The following DLGAP2 variants were observed in gnomAD, a reference collection of about 807,000 sequenced individuals.
DLGAP2 encodes the protein DLG associated protein 2.
DLGAP2 carries 26 observed loss-of-function variants against 100.3 expected under a neutral mutation model. The ratio of observed to expected loss-of-function variants is 0.26; its 90% confidence interval spans 0.19 to 0.36. DLGAP2 has a LOEUF of 0.36. Ranked by LOEUF, DLGAP2 falls within the 10% of genes least tolerant of loss-of-function variation. The pLI, the probability that DLGAP2 is intolerant of heterozygous loss-of-function variation, is 1.00. For synonymous variants in DLGAP2, 886 were observed against 630.1 expected (o/e 1.41, Z -6.08); for missense variants, 1,858 against 1,453.2 (o/e 1.28, Z -4.53).
At chr8:1,100,482 G>A (rs1804542083) in intron 2 of DLGAP2, among the ~76,000 whole-genome samples, 1 of 152,056 alleles carries the variant, frequency 6.6e-6, no homozygotes, top group Non-Finnish European at 1.5e-5. Context: ...AATGTGTGTA[G>A]GGAAAAACAT....
rs539714210 is a variant in DLGAP2, at chr8:1,268,881, C to T, written c.106+9998C>T. On this transcript the variant is annotated intron_variant, in intron 3 of 14. Transcript: ENST00000637795. ...CAAAGAAGCTTTTATTTGACTTAGA[C>T]CTTCAGGCTAAGTCGGCTTTGTGGC... Among the ~76,000 whole-genome samples the T allele has an allele frequency of 8.5e-5, 13 of 152,316 alleles. No individual in the cohort carries two copies. In the South Asian group the frequency reaches 2.3e-3, roughly 27 times the overall value.
In DLGAP2 at chr8:1,112,592, G is replaced by A. The variant is rs1404849454; in HGVS notation, c.74-146259G>A. Among the ~76,000 whole-genome samples the A allele has an allele frequency of 2.0e-5, 3 of 152,160 alleles. No individual in the cohort carries two copies. The East Asian group carries it at 5.8e-4, about 29-fold the overall frequency. On this transcript the variant is annotated intron_variant, in intron 2 of 14. Coordinates refer to ENST00000637795, the MANE Select transcript of DLGAP2 (RefSeq NM_001346810.2). The stretch of plus-strand genomic sequence containing the variant: ...GTTTTTCTCTTGTAAATTTGTTTAA[G>A]TTCCTTATAGATACTGGATATGAGA...
At chr8:1,369,813 C>G (rs914730519) in intron 3 of DLGAP2, 3 of 152,300 alleles carry the variant, frequency 2.0e-5, no homozygotes, top group African/African-American at 4.8e-5. Context: ...CCGTGGTTCT[C>G]TGATGCTCTC....
chr8:1,331,508 G>C (rs1181969972), intron 3 of DLGAP2, among the ~76,000 whole-genome samples: 1 of 152,194 alleles, frequency 6.6e-6, no homozygotes, highest in African/African-American at 2.4e-5. Context: ...TGATTTTTTA[G>C]GGACACGGAT....
intron 2 of DLGAP2, among the ~76,000 whole-genome samples, chr8:1,128,272 T>C (rs568467792): frequency 2.0e-5 from 3 of 150,518 alleles, no homozygotes; most frequent in Non-Finnish European, 4.4e-5. Context: ...GAGGACCTGC[T>C]CCCGGTGTTG....
At chr8:929,978 C>T (rs1390793654) in intron 2 of DLGAP2, among the ~76,000 whole-genome samples, 1 of 151,956 alleles carries the variant, frequency 6.6e-6, no homozygotes, top group African/African-American at 2.4e-5. Context: ...CATTGCAGTT[C>T]TAATTTTCTG....
At chr8:1,259,269 G>C (rs74974014) in intron 3 of DLGAP2, among the ~76,000 whole-genome samples, 173 of 152,328 alleles carry the variant, frequency 1.1e-3, no homozygotes, top group African/African-American at 3.9e-3. Flanking sequence ...CTTCCCGACT[G>C]TCGGTGGCTC....
At chr8:1,359,683 C>T (rs544618536) in intron 3 of DLGAP2, among the ~76,000 whole-genome samples, 6 of 152,358 alleles carry the variant, frequency 3.9e-5, no homozygotes, top group African/African-American at 1.4e-4. Flanking sequence ...CTCCCAATCC[C>T]ACGGTAGACG....
At chr8:1,222,115 C>T (rs904267590) in intron 2 of DLGAP2, among the ~76,000 whole-genome samples, 7 of 152,094 alleles carry the variant, frequency 4.6e-5, no homozygotes, top group Admixed American at 6.6e-5. Context: ...GAAACATTGC[C>T]GGGGAGCTAG....
At chr8:1,029,254 A>ACTGAAGCCGTAATTCTGGCTGAGG (rs1801904860) in intron 2 of DLGAP2, among the ~76,000 whole-genome samples, 2 of 152,172 alleles carry the variant, frequency 1.3e-5, no homozygotes, top group Non-Finnish European at 2.9e-5. Context: ...TTGGATGTCA[A>ACTGAAGCCGTAATTCTGGCTGAGG]CTGAAGCCGT....
chr8:1,549,737 T>C, intron 5 of DLGAP2, 54 bp downstream of exon 5: 2 of 1,453,458 alleles, frequency 1.4e-6, no homozygotes, highest in South Asian at 2.7e-5. Flanking sequence ...GGTGGTATTG[T>C]CGTTATTCCT....
intron 1 of DLGAP2, among the ~76,000 whole-genome samples, chr8:790,399 C>G (rs915323033): frequency 1.3e-5 from 2 of 152,100 alleles, no homozygotes; most frequent in African/African-American, 4.8e-5. Flanking sequence ...AGTTTGTTTC[C>G]CATTTTCTGG....
intron 6 of DLGAP2, among the ~76,000 whole-genome samples, chr8:1,588,334 A>C (rs1796188542): frequency 6.6e-6 from 1 of 152,162 alleles, no homozygotes; most frequent in Non-Finnish European, 1.5e-5. Context: ...AATCTGTAAG[A>C]TCTGAGGACA....
chr8:1,071,954 C>T (rs897554418), intron 2 of DLGAP2, among the ~76,000 whole-genome samples: 4 of 152,204 alleles, frequency 2.6e-5, no homozygotes, highest in Non-Finnish European at 4.4e-5. Context: ...GGGTGCCGTG[C>T]TGGCTGTACG....
chr8:973,919 C>A (rs907507006), intron 2 of DLGAP2, among the ~76,000 whole-genome samples: 10 of 150,944 alleles, frequency 6.6e-5, no homozygotes, highest in African/African-American at 2.2e-4. Context: ...ACCGCCGCCA[C>A]CCCGGCTGGA....
chr8:1,428,411 T>G (rs567553703), intron 3 of DLGAP2, among the ~76,000 whole-genome samples: 2 of 152,224 alleles, frequency 1.3e-5, no homozygotes, highest in African/African-American at 4.8e-5. Flanking sequence ...GATCTCTCTT[T>G]CCTTGAGAGA....
rs575730384 is a variant in DLGAP2 at position 1,155,088 on chromosome 8, G to A, written c.74-103763G>A. On this transcript the variant is annotated intron_variant, in intron 2 of 14. Coordinates refer to ENST00000637795, the MANE Select transcript of DLGAP2 (RefSeq NM_001346810.2). Reference sequence around the variant, plus strand: ...TCTCACCCTGGCCACTGCCTTCGTCGGAGGGGCCGTCTTAAACCCTGCCTG... The same window carrying A: ...TCTCACCCTGGCCACTGCCTTCGTCAGAGGGGCCGTCTTAAACCCTGCCTG... Among the ~76,000 whole-genome samples, 286 of 152,254 alleles carry A rather than the reference G, an allele frequency of 1.9e-3. 3 individuals carry two copies. The South Asian group carries it at 0.021, about 11-fold the overall frequency.
chr8:751,246 C>T (rs1156697389), intron 1 of DLGAP2, among the ~76,000 whole-genome samples: 1 of 79,812 alleles, frequency 1.3e-5, no homozygotes, highest in Non-Finnish European at 2.6e-5. Context: ...CGGGAAGGAG[C>T]ATTTTCCTGG....
chr8:812,176 G>T (rs1201201554), intron 1 of DLGAP2, among the ~76,000 whole-genome samples: 1 of 152,192 alleles, frequency 6.6e-6, no homozygotes, highest in East Asian at 1.9e-4. Context: ...TCTGAAATCT[G>T]CAGGGTGGGC....
Sources: allele counts gnomAD v4.1 joint callset (sites outside exome capture counted in the v4.1 genomes callset), GRCh38; gene constraint gnomAD v4.1.1; transcripts MANE v1.5; gene names NCBI Gene and HGNC (gene_info 2026-07-23, HGNC 2026-07-21).